Variants in HTR1F observed in about 807,000 individuals in gnomAD.
The protein encoded by HTR1F is 5-hydroxytryptamine (serotonin) receptor 1F, G protein-coupled.
A neutral mutation model predicts 24.0 loss-of-function variants in HTR1F; 17 were observed. The observed-to-expected ratio is 0.71, with a 90% CI of 0.48 to 1.06. HTR1F has a LOEUF of 1.06. HTR1F is among the 50% of genes least tolerant of loss of function. HTR1F has a pLI of 0.00. For missense variants in HTR1F, 391 were observed against 427.8 expected (o/e 0.91, Z 0.76); for synonymous variants, 186 against 156.8 (o/e 1.19, Z -1.39).
At chr3:87,945,473 A>G (rs558402431) in intron 2 of HTR1F, among the ~76,000 whole-genome samples, 1 of 152,332 alleles carries the variant, frequency 6.6e-6, no homozygotes, top group Admixed American at 6.5e-5. Flanking sequence ...GGTACAGGTC[A>G]GAAGGAAAGG....
intron 2 of HTR1F, among the ~76,000 whole-genome samples, chr3:87,946,898 T>A (rs1704724017): frequency 6.6e-6 from 1 of 152,170 alleles, no homozygotes; most frequent in Non-Finnish European, 1.5e-5. Flanking sequence ...GTGCTGGGAT[T>A]ACAGGCATGA....
intron 2 of HTR1F, among the ~76,000 whole-genome samples, chr3:87,865,483 T>A (rs1186444587): frequency 6.9e-6 from 1 of 145,130 alleles, no homozygotes; most frequent in Non-Finnish European, 1.5e-5. Flanking sequence ...TAAACCCTCT[T>A]CCCTAAAGCT....
At chr3:87,878,997 ATAT>A (rs1303074601) in intron 2 of HTR1F, among the ~76,000 whole-genome samples, 2 of 152,204 alleles carry the variant, frequency 1.3e-5, no homozygotes, top group African/African-American at 2.4e-5. Flanking sequence ...ATAGACAGAA[ATAT>A]TTCTAAGTAG....
At chr3:87,823,401 G>A (rs147839292) in intron 2 of HTR1F, among the ~76,000 whole-genome samples, 2,058 of 152,066 alleles carry the variant, frequency 0.014, 59 homozygotes, top group African/African-American at 0.047. Flanking sequence ...AGTCTACTTC[G>A]TAGTTCATCT....
At chr3:87,937,079 T>A (rs1241770715) in intron 2 of HTR1F, among the ~76,000 whole-genome samples, 7 of 75,820 alleles carry the variant, frequency 9.2e-5, no homozygotes, top group African/African-American at 4.4e-4. Flanking sequence ...CTGTTGAAAC[T>A]ACCCAAAAAA....
chr3:87,977,221 C>G (rs1705414121), intron 2 of HTR1F, among the ~76,000 whole-genome samples: 1 of 152,060 alleles, frequency 6.6e-6, no homozygotes, highest in African/African-American at 2.4e-5. Context: ...TAACTATTAT[C>G]AACATTAACC....
At chr3:87,811,751 G>C (rs1009615286) in intron 1 of HTR1F, among the ~76,000 whole-genome samples, 1 of 152,096 alleles carries the variant, frequency 6.6e-6, no homozygotes, top group Non-Finnish European at 1.5e-5. Context: ...GAAGAAATGT[G>C]TCCAGTGATT....
At chr3:87,957,453 A>G (rs1340062086) in intron 2 of HTR1F, among the ~76,000 whole-genome samples, 1 of 151,194 alleles carries the variant, frequency 6.6e-6, no homozygotes, top group Non-Finnish European at 1.5e-5. Context: ...TGGTCTCAGG[A>G]TAATTATGAA....
At chr3:87,906,057 T>G (rs944430051) in intron 2 of HTR1F, among the ~76,000 whole-genome samples, 8 of 152,092 alleles carry the variant, frequency 5.3e-5, no homozygotes, top group African/African-American at 1.7e-4. Context: ...GAACTATACA[T>G]TATTGTGTTG....
At position 87,918,615 on chromosome 3, in the gene HTR1F, C is replaced by T. The variant is rs1164221865; in HGVS notation, c.-42-72093C>T. Among the ~76,000 whole-genome samples, 6 of 151,934 alleles carry T rather than the reference C, an allele frequency of 3.9e-5. No individual in the cohort carries two copies. In the South Asian group the frequency reaches 1.0e-3, roughly 26 times the overall value. ...TGAAAATCAATCAAGAACTCAACCC[C>T]TTTTACAATAGCTGCAAAAAACATA... On this transcript the variant is annotated intron_variant, in intron 2 of 2. Transcript: ENST00000319595.
At chr3:87,860,927 C>T (rs765067740) in intron 2 of HTR1F, among the ~76,000 whole-genome samples, 46 of 152,164 alleles carry the variant, frequency 3.0e-4, no homozygotes, top group Middle Eastern at 3.4e-3. Context: ...GGAAATGAGG[C>T]GGGCAGGTCA....
At chr3:87,831,982 C>A (rs760169831) in intron 2 of HTR1F, among the ~76,000 whole-genome samples, 12 of 152,046 alleles carry the variant, frequency 7.9e-5, no homozygotes, top group Non-Finnish European at 1.6e-4. Context: ...ATTAACAGTA[C>A]GATAGGTACT....
chr3:87,888,409 T>C (rs552706340), intron 2 of HTR1F, among the ~76,000 whole-genome samples: 1 of 152,196 alleles, frequency 6.6e-6, no homozygotes, highest in African/African-American at 2.4e-5. Flanking sequence ...ATGGCACATG[T>C]ATACCTAAAT....
At chr3:87,851,864 G>T (rs1813449) in intron 2 of HTR1F, among the ~76,000 whole-genome samples, 22,525 of 150,262 alleles carry the variant, frequency 0.15, 1,976 homozygotes, top group East Asian at 0.22. Flanking sequence ...GTTACATTAG[G>T]ATTAGAAGTA....
At chr3:87,799,135 T>C (rs1302834899) in intron 1 of HTR1F, among the ~76,000 whole-genome samples, 4 of 152,130 alleles carry the variant, frequency 2.6e-5, no homozygotes, top group South Asian at 2.1e-4. Context: ...TCAGTGAGAG[T>C]TGGGAATCTT....
chr3:87,826,927 C>G (rs536548824), intron 2 of HTR1F, among the ~76,000 whole-genome samples: 1 of 152,222 alleles, frequency 6.6e-6, no homozygotes, highest in Non-Finnish European at 1.5e-5. Flanking sequence ...CCTCCCACCT[C>G]AGCCTCCCAA....
intron 1 of HTR1F, among the ~76,000 whole-genome samples, chr3:87,811,013 T>C (rs1704151939): frequency 6.6e-6 from 1 of 152,230 alleles, no homozygotes; most frequent in Admixed American, 6.5e-5. Context: ...TGTTTTTATA[T>C]GCCAATAGGC....
intron 2 of HTR1F, among the ~76,000 whole-genome samples, chr3:87,892,681 GT>G (rs1466255622): frequency 1.3e-5 from 2 of 152,002 alleles, no homozygotes; most frequent in African/African-American, 2.4e-5. Flanking sequence ...TTCACTTGTG[GT>G]TTTAATTATC....
intron 2 of HTR1F, among the ~76,000 whole-genome samples, chr3:87,905,254 G>A (rs1389865994): frequency 6.6e-6 from 1 of 151,810 alleles, no homozygotes; most frequent in African/African-American, 2.4e-5. Context: ...AGGCTGCAGT[G>A]AGCTATGATC....
Sources: gnomAD v4.1 joint callset for allele counts (sites outside exome capture counted in the v4.1 genomes callset) on GRCh38, gnomAD v4.1.1 for gene constraint, MANE v1.5 for transcripts, NCBI Gene and HGNC (gene_info 2026-07-23, HGNC 2026-07-21) for gene names.